RARB: variants seen among roughly 807,000 people sequenced by gnomAD.
RARB encodes retinoic acid receptor beta.
Under a neutral mutation model 51.9 loss-of-function variants are expected in RARB, and 17 were observed. The ratio of observed to expected loss-of-function variants is 0.33; its 90% confidence interval spans 0.22 to 0.49. RARB has a LOEUF of 0.49. Ranked by LOEUF, RARB falls within the 20% of genes least tolerant of loss-of-function variation. RARB has a pLI of 0.99. For synonymous variants in RARB, 215 were observed against 195.4 expected (o/e 1.10, Z -0.84); for missense variants, 369 against 550.8 (o/e 0.67, Z 3.30).
intron 5 of RARB, among the ~76,000 whole-genome samples, chr3:25,294,696 T>C (rs897353349): frequency 1.2e-5 from 1 of 86,874 alleles, no homozygotes; most frequent in African/African-American, 7.3e-5. Context: ...AGACCATAGC[T>C]TCTCTCCTTC....
chr3:25,500,331 A>T lies in RARB; in HGVS notation c.307-851A>T, dbSNP rs1056123234. ...TTTTATTTCTTGTTTCCAATTTTGG[A>T]TAATTTTTTTAAATTGTATTTTAAA... On this transcript the variant is annotated intron_variant, in intron 2 of 7. Transcript: ENST00000330688. Among the ~76,000 whole-genome samples, 3 of 151,986 alleles carry T rather than the reference A, an allele frequency of 2.0e-5. No individual in the cohort carries two copies. In the East Asian group the frequency reaches 5.8e-4, roughly 29 times the overall value.
At chr3:25,136,727 A>G (rs1700036340) in intron 4 of RARB, among the ~76,000 whole-genome samples, 1 of 152,014 alleles carries the variant, frequency 6.6e-6, no homozygotes, top group African/African-American at 2.4e-5. Context: ...TAGGTGTAGT[A>G]GGACTGGATT....
chr3:24,902,039 A>G lies in RARB; in HGVS notation c.-380+43287A>G, dbSNP rs1258440889. ...ATACATATATAACATATATGAAAAC[A>G]TACATAAGGAAAGAACAGCAAAGAA... is the stretch of plus-strand genomic sequence containing the variant. On this transcript the variant is annotated intron_variant, in intron 2 of 11. Transcript: ENST00000383772. 3.3e-5 allele frequency among the ~76,000 whole-genome samples: 5 copies of G among 151,782 alleles called. No individual in the cohort carries two copies. The South Asian group carries it at 1.0e-3, about 31-fold the overall frequency.
intron 3 of RARB, among the ~76,000 whole-genome samples, chr3:25,532,112 ATGT>A (rs973588569): frequency 6.6e-6 from 1 of 152,154 alleles, no homozygotes; most frequent in Admixed American, 6.5e-5. Flanking sequence ...AAAATGTGTA[ATGT>A]TGTGGCATTC....
In RARB at chr3:25,569,840, G is replaced by A. The variant is rs2125285949; in HGVS notation, c.531G>A (p.Leu177=). Residue 177 remains leucine, a synonymous_variant, in exon 4 of 8, where the codon TTG becomes TTA. Transcript: ENST00000330688. ...CTESYEMTAE[L]DDLTEKIRKA... is the part of the protein sequence containing the mutation. ...AGAGCTATGAAATGACAGCTGAGTT[G>A]GACGATCTCACAGAGAAGATCCGAA... 2.5e-6 allele frequency: 4 copies of A among 1,614,158 alleles called. No homozygotes were observed. The highest frequency in any genetic ancestry group is 1.1e-5 in the South Asian group (1 of 91,076).
chr3:25,151,959 C>T lies in RARB; in HGVS notation c.-280+19751C>T, dbSNP rs577286338. Among the ~76,000 whole-genome samples the T allele has an allele frequency of 1.6e-4, 25 of 151,958 alleles. 1 individual carries two copies. The highest frequency in any genetic ancestry group is 6.2e-4 in the South Asian group (3 of 4,810). ...ACAAAATGAAAGTATGCCTGGGCAA[C>T]GTGAGCAGAGGGAAAATGACATTCT... is the stretch of plus-strand genomic sequence containing the variant. On this transcript the variant is annotated intron_variant, in intron 4 of 11. Transcript: ENST00000383772.
At chr3:25,317,250 C>T (rs569872728) in intron 5 of RARB, among the ~76,000 whole-genome samples, 3 of 151,928 alleles carry the variant, frequency 2.0e-5, no homozygotes, top group East Asian at 3.9e-4. Flanking sequence ...CTAAATGGAT[C>T]ATTGGCTGAT....
intron 2 of RARB, among the ~76,000 whole-genome samples, chr3:25,016,658 T>C (rs1276889274): frequency 6.6e-6 from 1 of 152,212 alleles, no homozygotes; most frequent in Non-Finnish European, 1.5e-5. Context: ...TGGGGGAACG[T>C]AATTTCCATT....
chr3:25,264,486 A>G (rs1460407962), intron 5 of RARB, among the ~76,000 whole-genome samples: 2 of 152,210 alleles, frequency 1.3e-5, no homozygotes, highest in Non-Finnish European at 2.9e-5. Context: ...AAGTAGCCTG[A>G]GAAAGGTAAA....
intron 2 of RARB, among the ~76,000 whole-genome samples, chr3:24,972,488 TC>T (rs1696421949): frequency 6.6e-6 from 1 of 152,030 alleles, no homozygotes; most frequent in African/African-American, 2.4e-5. Context: ...TGATTTTTTT[TC>T]TTTTGGATGT....
chr3:25,238,748 C>G (rs1172700342), intron 5 of RARB, among the ~76,000 whole-genome samples: 1 of 151,988 alleles, frequency 6.6e-6, no homozygotes, highest in Non-Finnish European at 1.5e-5. Context: ...TTTGGGAGGC[C>G]GAGGCAGGTG....
rs752279074 is a variant in RARB, at chr3:25,206,556, G to A, written c.178+31981G>A. On this transcript the variant is annotated intron_variant, in intron 5 of 11. Transcript: ENST00000383772. ...AGAAAATCTTTTGAGGTCATTCCCT[G>A]TGCCCATCTACCCATTTCAGATCAT... Among the ~76,000 whole-genome samples, 3 of 152,100 alleles carry A rather than the reference G, an allele frequency of 2.0e-5. No individual in the cohort carries two copies. In the South Asian group the frequency reaches 6.2e-4, roughly 32 times the overall value.
intron 1 of RARB, among the ~76,000 whole-genome samples, chr3:24,835,870 G>A (rs914248453): frequency 6.6e-6 from 1 of 152,196 alleles, no homozygotes; most frequent in African/African-American, 2.4e-5. Flanking sequence ...GGTCAGTTGA[G>A]TCCATCTTAA....
intron 5 of RARB, among the ~76,000 whole-genome samples, chr3:25,256,892 T>C (rs1216405542): frequency 1.3e-5 from 2 of 152,022 alleles, no homozygotes; most frequent in African/African-American, 2.4e-5. Context: ...GTTTATGGAG[T>C]TCTGTCTCAG....
intron 2 of RARB, among the ~76,000 whole-genome samples, chr3:24,918,757 G>A (rs1317668979): frequency 2.0e-5 from 3 of 152,136 alleles, no homozygotes; most frequent in Non-Finnish European, 2.9e-5. Flanking sequence ...TGGTCGTGGT[G>A]GCGGGTGCCT....
At chr3:25,251,957 C>T (rs555727241) in intron 5 of RARB, among the ~76,000 whole-genome samples, 2 of 151,844 alleles carry the variant, frequency 1.3e-5, no homozygotes, top group East Asian at 1.9e-4. Flanking sequence ...GAAATTTATG[C>T]CTGTGTTTTT....
intron 5 of RARB, among the ~76,000 whole-genome samples, chr3:25,201,416 C>T (rs1212419623): frequency 6.6e-6 from 1 of 152,124 alleles, no homozygotes; most frequent in Non-Finnish European, 1.5e-5. Flanking sequence ...ATTGAATATC[C>T]TTTATTTCCT....
At chr3:25,081,893 A>T (rs775875814) in intron 3 of RARB, among the ~76,000 whole-genome samples, 2 of 151,724 alleles carry the variant, frequency 1.3e-5, no homozygotes, top group Middle Eastern at 3.4e-3. Context: ...TTGGCCTCCC[A>T]AAGTGCTGGG....
intron 5 of RARB, among the ~76,000 whole-genome samples, chr3:25,380,926 C>T (rs1291776157): frequency 2.0e-5 from 3 of 152,088 alleles, no homozygotes; most frequent in Non-Finnish European, 4.4e-5. Context: ...ATTTTTCTCT[C>T]CCATCCTTAT....
Sources: allele counts gnomAD v4.1 joint callset (sites outside exome capture counted in the v4.1 genomes callset), GRCh38; gene constraint gnomAD v4.1.1; transcripts MANE v1.5; gene names NCBI Gene and HGNC (gene_info 2026-07-23, HGNC 2026-07-21).